DMD: variants seen among roughly 807,000 people sequenced by gnomAD.
DMD encodes mutant dystrophin.
Under a neutral mutation model 330.1 loss-of-function variants are expected in DMD, and 63 were observed. That is an observed-to-expected ratio of 0.19 (90% CI 0.16 to 0.24). The LOEUF is 0.24. Ranked by LOEUF, DMD falls within the 10% of genes least tolerant of loss-of-function variation. The pLI is 1.00. For missense variants in DMD, 3,344 were observed against 2,684.1 expected, an observed-to-expected ratio of 1.25 and a Z score of -5.43; for synonymous variants, 1,223 against 959.8, an observed-to-expected ratio of 1.27 and a Z score of -5.07.
intron 49 of DMD, among the ~76,000 whole-genome samples, chrX:31,821,639 T>C (rs923894850): frequency 1.8e-5 from 2 of 112,072 alleles, no homozygotes; most frequent in Non-Finnish European, 3.8e-5. Flanking sequence ...ACTCCTATTG[T>C]GTTAAGCCAC....
chrX:32,812,089 G>A (rs780864381), intron 6 of DMD, among the ~76,000 whole-genome samples: 2 of 111,140 alleles, frequency 1.8e-5, no homozygotes, highest in East Asian at 5.7e-4. Flanking sequence ...GAAGTCATTA[G>A]TCAAGTGGTT....
chrX:33,226,488 T>C (rs2052292754), intron 1 of DMD, among the ~76,000 whole-genome samples: 2 of 111,305 alleles, frequency 1.8e-5, no homozygotes, highest in Non-Finnish European at 3.8e-5. Flanking sequence ...TAATACAGGG[T>C]TTCATTTACA....
intron 7 of DMD, among the ~76,000 whole-genome samples, chrX:32,748,949 TTAATG>T (rs2070438911): frequency 8.9e-6 from 1 of 112,368 alleles, no homozygotes; most frequent in African/African-American, 3.2e-5. Context: ...ACTGGACTGT[TTAATG>T]TGATGGAGTA....
chrX:33,262,795 T>C (rs1201165149), intron 1 of DMD, among the ~76,000 whole-genome samples: 2 of 110,641 alleles, frequency 1.8e-5, no homozygotes, highest in African/African-American at 6.6e-5. Context: ...TATTTCCAAG[T>C]TTATTTAGAG....
chrX:32,916,262 A>T (rs1397363583), intron 2 of DMD, among the ~76,000 whole-genome samples: 3 of 111,665 alleles, frequency 2.7e-5, no homozygotes, highest in Non-Finnish European at 5.6e-5. Flanking sequence ...TATTAACACA[A>T]TTAAAATGCT....
At chrX:31,568,963 C>G (rs1006260679) in intron 55 of DMD, among the ~76,000 whole-genome samples, 2 of 110,605 alleles carry the variant, frequency 1.8e-5, no homozygotes, top group Non-Finnish European at 3.8e-5. Flanking sequence ...CATTACGATA[C>G]GCATTAACAT....
chrX:32,929,678 C>T (rs2089416526), intron 2 of DMD, among the ~76,000 whole-genome samples: 1 of 111,259 alleles, frequency 9.0e-6, no homozygotes, highest in Non-Finnish European at 1.9e-5. Flanking sequence ...CCGTCATCTA[C>T]ATTAGGTATT....
intron 1 of DMD, among the ~76,000 whole-genome samples, chrX:33,098,200 CAGTTTAGCGGA>C (rs1243052639): frequency 1.8e-5 from 2 of 111,546 alleles, no homozygotes; most frequent in Non-Finnish European, 3.8e-5. Flanking sequence ...AGATTCATCC[CAGTTTAGCGGA>C]AGAGAAAACG....
At chrX:32,727,541 C>T (rs1479596661) in intron 7 of DMD, among the ~76,000 whole-genome samples, 1 of 109,731 alleles carries the variant, frequency 9.1e-6, no homozygotes, top group Non-Finnish European at 1.9e-5. Flanking sequence ...ATTATTGGTC[C>T]CTTCAGTGAA....
intron 50 of DMD, among the ~76,000 whole-genome samples, chrX:31,802,134 G>A (rs182675893): frequency 1.3e-3 from 143 of 110,097 alleles, no homozygotes; most frequent in Non-Finnish European, 1.9e-3. Context: ...AAATGGAAAG[G>A]GTCACACTAT....
At chrX:32,044,570 T>A (rs182457321) in intron 44 of DMD, among the ~76,000 whole-genome samples, 16 of 110,316 alleles carry the variant, frequency 1.5e-4, no homozygotes, top group Admixed American at 1.4e-3. Context: ...TACAGGTGCC[T>A]GCCACCATGC....
At chrX:32,140,259 A>T (rs1363362978) in intron 44 of DMD, among the ~76,000 whole-genome samples, 1 of 112,286 alleles carries the variant, frequency 8.9e-6, no homozygotes, top group Admixed American at 9.5e-5. Context: ...TGTTCCTAAG[A>T]TGTTTAACTA....
At chrX:32,986,004 A>C (rs765082467) in intron 2 of DMD, among the ~76,000 whole-genome samples, 2 of 111,742 alleles carry the variant, frequency 1.8e-5, no homozygotes, top group African/African-American at 3.3e-5. Flanking sequence ...ATTTAAAATT[A>C]AAATAAGTAT....
intron 1 of DMD, among the ~76,000 whole-genome samples, chrX:33,048,694 TAA>T (rs748856962): frequency 5.6e-5 from 2 of 35,616 alleles, no homozygotes; most frequent in Non-Finnish European, 8.8e-5. Flanking sequence ...ACTCCCCATC[TAA>T]AAAAAAAAAA....
At chrX:32,503,217 TAAAC>T (rs1389118823) in intron 18 of DMD, among the ~76,000 whole-genome samples, 1 of 110,526 alleles carries the variant, frequency 9.0e-6, no homozygotes, top group African/African-American at 3.3e-5. Flanking sequence ...CCTCCATCTC[TAAAC>T]AAACAATTTT....
chrX:32,450,167 T>G (rs1254359823), intron 26 of DMD, among the ~76,000 whole-genome samples: 1 of 110,705 alleles, frequency 9.0e-6, no homozygotes, highest in Non-Finnish European at 1.9e-5. Context: ...GAACTCAGGT[T>G]CTATAATGTA....
At chrX:31,406,017 T>C (rs2061389813) in intron 60 of DMD, among the ~76,000 whole-genome samples, 1 of 112,211 alleles carries the variant, frequency 8.9e-6, no homozygotes, top group Non-Finnish European at 1.9e-5. Flanking sequence ...AATTTCAGCT[T>C]TTCAACTTAA....
rs765579252 is a variant in DMD, at chrX:32,464,829, T to C, written c.3163-130A>G. 1,954 of 514,415 alleles carry C rather than the reference T, an allele frequency of 3.8e-3. 6 individuals are homozygous for C. The highest frequency in any genetic ancestry group is 4.9e-3 in the Non-Finnish European group (1,412 of 288,218). 42.4% of individuals were successfully genotyped at this position (514,415 alleles called of 1,213,427 possible). A position where few individuals can be genotyped will look rare whatever the true frequency, so the allele number is the denominator to read the frequency against. On this transcript the variant is annotated intron_variant, in intron 23 of 78. Coordinates refer to ENST00000357033, the MANE Select transcript of DMD (RefSeq NM_004006.3). Reference sequence around the variant, plus strand: ...TTAAAGGATGTCTCTAAGTAGTTCTTGAGGCAAAGAATATTTTTACTAAGA... The same window carrying C: ...TTAAAGGATGTCTCTAAGTAGTTCTCGAGGCAAAGAATATTTTTACTAAGA...
intron 43 of DMD, among the ~76,000 whole-genome samples, chrX:32,278,565 G>T (rs780537720): frequency 1.8e-5 from 2 of 111,286 alleles, no homozygotes; most frequent in African/African-American, 3.3e-5. Context: ...CAAAAAGTGG[G>T]TGAAGGACAT....
Sources: gnomAD v4.1 joint callset for allele counts (sites outside exome capture counted in the v4.1 genomes callset) on GRCh38, gnomAD v4.1.1 for gene constraint, MANE v1.5 for transcripts, NCBI Gene and HGNC (gene_info 2026-07-23, HGNC 2026-07-21) for gene names.